ZFHX3: variants seen among roughly 807,000 people sequenced by gnomAD.
ZFHX3 encodes zinc finger homeobox 3.
In ZFHX3, 42 loss-of-function variants were observed where a neutral mutation model predicts 279.1. The ratio of observed to expected loss-of-function variants is 0.15; its 90% CI spans 0.12 to 0.19. The LOEUF is 0.19. Among genes scored for constraint, ZFHX3 ranks in the 10% least tolerant of loss-of-function variants. The pLI is 1.00. For missense variants in ZFHX3, 4,981 were observed against 4,754.0 expected (o/e 1.05, Z -1.40); for synonymous variants, 2,293 against 1,957.8 (o/e 1.17, Z -4.52).
chr16:72,883,842 C>T (rs1256639595), intron 4 of ZFHX3, among the ~76,000 whole-genome samples: 1 of 152,122 alleles, frequency 6.6e-6, no homozygotes, highest in Admixed American at 6.5e-5. Flanking sequence ...GTTAAAAATA[C>T]TTTAAGTTCC....
chr16:73,829,198 G>A (rs746417076), intron 1 of ZFHX3, among the ~76,000 whole-genome samples: 18 of 91,814 alleles, frequency 2.0e-4, no homozygotes, highest in Non-Finnish European at 3.1e-4. Context: ...TGATCGCATC[G>A]GCTCCTGAGG....
chr16:73,532,849 C>T (rs1169260448), intron 2 of ZFHX3, among the ~76,000 whole-genome samples: 1 of 152,158 alleles, frequency 6.6e-6, no homozygotes, highest in Non-Finnish European at 1.5e-5. Flanking sequence ...AGTGAGTTCT[C>T]ACCAGATCTG....
intron 3 of ZFHX3, among the ~76,000 whole-genome samples, chr16:72,934,333 C>A (rs1184198954): frequency 6.6e-6 from 1 of 152,116 alleles, no homozygotes; most frequent in African/African-American, 2.4e-5. Context: ...GAGGCTGAGG[C>A]AGGAGAATCA....
chr16:73,091,028 G>A (rs1966071982), intron 8 of ZFHX3, among the ~76,000 whole-genome samples: 1 of 151,404 alleles, frequency 6.6e-6, no homozygotes, highest in Non-Finnish European at 1.5e-5. Context: ...TGGCTAACAC[G>A]GTAAAACCCC....
At chr16:73,751,044 G>A (rs1031665002) in intron 1 of ZFHX3, among the ~76,000 whole-genome samples, 1 of 152,166 alleles carries the variant, frequency 6.6e-6, no homozygotes, top group Admixed American at 6.5e-5. Context: ...TAGAAAGGCA[G>A]TATTTTGCAT....
chr16:73,070,424 T>G (rs974753922), intron 8 of ZFHX3, among the ~76,000 whole-genome samples: 21 of 152,300 alleles, frequency 1.4e-4, no homozygotes, highest in Admixed American at 1.4e-3. Context: ...CTCTATTATT[T>G]TTTTTTAATC....
intron 3 of ZFHX3, among the ~76,000 whole-genome samples, chr16:73,333,675 C>G (rs963768557): frequency 6.6e-6 from 1 of 151,978 alleles, no homozygotes; most frequent in African/African-American, 2.4e-5. Context: ...GGGCTCTATA[C>G]TAGGCATAAC....
chr16:73,240,301 C>T (rs1365357129), intron 5 of ZFHX3, among the ~76,000 whole-genome samples: 3 of 152,014 alleles, frequency 2.0e-5, no homozygotes, highest in Admixed American at 2.0e-4. Context: ...TCACTGCAAC[C>T]TCCACCTCCT....
At chr16:73,731,238 G>A (rs564208278) in intron 1 of ZFHX3, among the ~76,000 whole-genome samples, 41 of 152,162 alleles carry the variant, frequency 2.7e-4, no homozygotes, top group Non-Finnish European at 5.6e-4. Flanking sequence ...TTTAATAAGA[G>A]GAGTCAACAT....
chr16:72,793,412 G>T lies in ZFHX3; in HGVS notation c.9270C>A (p.Val3090=). 1 of 1,614,176 alleles carries T rather than the reference G, an allele frequency of 6.2e-7. No individual in the cohort carries two copies. Among genetic ancestry groups the T allele is most frequent in the Non-Finnish European group, 8.5e-7 (1 of 1,180,034 alleles). ...CTTGCTGCTGAGCTGCCAGTCCAAGGACCTCGTTGGCCTTTTTAATCCGGT... is the reference window on the plus strand; with the variant it reads ...CTTGCTGCTGAGCTGCCAGTCCAAGTACCTCGTTGGCCTTTTTAATCCGGT... ...ELDRIKKANE[V]LGLAAQQQGM... The change falls in exon 9 of 10, where the codon GTC becomes GTA. Residue 3090 remains valine, a synonymous_variant. Coordinates refer to ENST00000268489, the MANE Select transcript of ZFHX3 (RefSeq NM_006885.4). The surrounding 1 kb of genome is among the most constrained non-coding windows in gnomAD (Gnocchi z 4.3).
intron 4 of ZFHX3, among the ~76,000 whole-genome samples, chr16:72,865,714 T>C (rs779990825): frequency 9.2e-5 from 14 of 152,106 alleles, no homozygotes; most frequent in Non-Finnish European, 2.1e-4. Flanking sequence ...TCCAAACTCA[T>C]CACAAATGAG....
At chr16:72,966,456 G>A (rs1263210713) in intron 1 of ZFHX3, among the ~76,000 whole-genome samples, 1 of 152,208 alleles carries the variant, frequency 6.6e-6, no homozygotes, top group Non-Finnish European at 1.5e-5. Flanking sequence ...GACAAACTCA[G>A]AGGAAGCCCG....
chr16:73,835,413 C>G (rs1170854050), intron 1 of ZFHX3, among the ~76,000 whole-genome samples: 1 of 150,920 alleles, frequency 6.6e-6, no homozygotes. Context: ...CCTTTCCCCA[C>G]CATCCCTCTT....
At chr16:72,912,355 C>T (rs2039340271) in intron 3 of ZFHX3, among the ~76,000 whole-genome samples, 1 of 152,138 alleles carries the variant, frequency 6.6e-6, no homozygotes, top group African/African-American at 2.4e-5. Context: ...CTGGCAAGGG[C>T]AGTGGCAATA....
At chr16:73,261,469 T>C in intron 4 of ZFHX3, among the ~76,000 whole-genome samples, 1 of 152,124 alleles carries the variant, frequency 6.6e-6, no homozygotes, top group East Asian at 1.9e-4. Flanking sequence ...AATTTGGGAC[T>C]ATATGAAGTA....
At chr16:73,355,542 C>T (rs2016325898) in intron 3 of ZFHX3, among the ~76,000 whole-genome samples, 1 of 152,152 alleles carries the variant, frequency 6.6e-6, no homozygotes, top group Non-Finnish European at 1.5e-5. Flanking sequence ...CTGGGATGGT[C>T]TGCTTCATCC....
At chr16:73,795,150 A>G (rs915746987) in intron 1 of ZFHX3, among the ~76,000 whole-genome samples, 9 of 152,244 alleles carry the variant, frequency 5.9e-5, no homozygotes, top group African/African-American at 2.2e-4. Context: ...CAGAGGTCCC[A>G]GGCTCAGACC....
intron 1 of ZFHX3, among the ~76,000 whole-genome samples, chr16:73,032,778 G>A (rs1964754823): frequency 6.6e-6 from 1 of 152,164 alleles, no homozygotes. Context: ...AGACCTGCTA[G>A]TTAGCAACGA....
chr16:73,620,512 G>C (rs2052348334), intron 2 of ZFHX3, among the ~76,000 whole-genome samples: 1 of 152,146 alleles, frequency 6.6e-6, no homozygotes, highest in African/African-American at 2.4e-5. Context: ...TCAACACTTA[G>C]GGCAGCATTC....
Sources: allele counts gnomAD v4.1 joint callset (sites outside exome capture counted in the v4.1 genomes callset), GRCh38; gene constraint gnomAD v4.1.1; non-coding constraint Gnocchi (gnomAD v3.1); transcripts MANE v1.5; gene names NCBI Gene and HGNC (gene_info 2026-07-23, HGNC 2026-07-21).